Variants in INF2 observed in about 807,000 individuals in gnomAD.
The protein encoded by INF2 is inverted formin-2.
In INF2, 43 loss-of-function variants were observed where a neutral mutation model predicts 123.5. The observed-to-expected ratio is 0.35, with a 90% CI of 0.27 to 0.45. The LOEUF is 0.45. Ranked by LOEUF, INF2 falls within the 20% of genes least tolerant of loss-of-function variation. The pLI is 1.00. For missense variants in INF2, 1,453 were observed against 1,682.7 expected (o/e 0.86, Z 2.39); for synonymous variants, 851 against 745.0 (o/e 1.14, Z -2.32).
chr14:104,694,428 G>T (rs1215809369), intron 1 of INF2, among the ~76,000 whole-genome samples: 1 of 152,248 alleles, frequency 6.6e-6, no homozygotes, highest in Non-Finnish European at 1.5e-5. Flanking sequence ...GCTGAGCAGG[G>T]GCTGGGAAGA....
At chr14:104,715,453 G>T in intron 22 of INF2, 113 bp downstream of exon 22, 1 of 1,015,654 alleles carries the variant, frequency 9.8e-7, no homozygotes, top group Non-Finnish European at 1.6e-6. Flanking sequence ...TCCAGCCCGC[G>T]TGGTGCGTCA....
At chr14:104,688,044 G>T (rs771760382), upstream of INF2, among the ~76,000 whole-genome samples, 2 of 152,274 alleles carry the variant, frequency 1.3e-5, no homozygotes, top group Non-Finnish European at 2.9e-5. Flanking sequence ...CCCAGCTTGA[G>T]GGAGGGCAGG....
chr14:104,688,712 C>G (rs1021430929), upstream of INF2, among the ~76,000 whole-genome samples: 1 of 152,236 alleles, frequency 6.6e-6, no homozygotes, highest in Non-Finnish European at 1.5e-5. Flanking sequence ...GGGGGCTCCC[C>G]CAGGCCTGCC....
chr14:104,704,058 C>A, intron 5 of INF2, 109 bp downstream of exon 5: 1 of 1,572,674 alleles, frequency 6.4e-7, no homozygotes, highest in Non-Finnish European at 8.6e-7. Context: ...CTCCAGATGG[C>A]AGGGAGGTGG....
rs2140669798 is a variant in INF2, at chr14:104,707,870, G to C, written c.1603G>C (p.Glu535Gln). ...CAGCCCCCCCGTGGCGGGAGGCATG[G>C]AGGAGGTCATCGTGGCCCAGGTGGA... is the stretch of plus-strand genomic sequence containing the variant. ...TCSPPVAGGM[E>Q]EVIVAQVDHG... The change falls in exon 8 of 23, where the codon GAG becomes CAG. Residue 535 changes from glutamate (E) to glutamine (Q), a missense_variant. By Grantham distance (29) the Glu-to-Gln change is conservative (BLOSUM62 2). Transcript: ENST00000392634. 1 of 1,606,626 alleles carries C rather than the reference G, an allele frequency of 6.2e-7. No homozygotes were observed. Among genetic ancestry groups the C allele is most frequent in the African/African-American group, 1.3e-5 (1 of 74,832 alleles).
At chr14:104,701,974 C>G (rs1419712542) in intron 2 of INF2, among the ~76,000 whole-genome samples, 1 of 152,202 alleles carries the variant, frequency 6.6e-6, no homozygotes, top group Non-Finnish European at 1.5e-5. Context: ...AGTCCCCGCA[C>G]TGCTGCACCA....
upstream of INF2, among the ~76,000 whole-genome samples, chr14:104,688,564 C>T (rs1888760495): frequency 6.6e-6 from 1 of 152,196 alleles, no homozygotes; most frequent in African/African-American, 2.4e-5. Context: ...CCTCATACAG[C>T]CCTTACGGGT....
Position 104,707,689 on chromosome 14 carries a change from T to A in INF2, c.1422T>A (p.Pro474=). ...PGLGAMAPPA[P]PLPPPLPGSC... Reference sequence around the variant, plus strand: ...TGGGGGCCATGGCCCCCCCAGCACCTCCTCTACCACCACCCCTGCCAGGCT... The same window carrying A: ...TGGGGGCCATGGCCCCCCCAGCACCACCTCTACCACCACCCCTGCCAGGCT... The change falls in exon 8 of 23, where the codon CCT becomes CCA. Residue 474 remains proline, a synonymous_variant. Coordinates refer to ENST00000392634, the MANE Select transcript of INF2 (RefSeq NM_022489.4). The A allele has an allele frequency of 2.3e-6, 1 of 430,936 alleles. No homozygotes were observed. Among genetic ancestry groups the A allele is most frequent in the Non-Finnish European group, 3.4e-6 (1 of 291,886 alleles). The allele number at this position is 430,936 out of a possible 1,614,324, so 26.7% of individuals were successfully genotyped here. A position where few individuals can be genotyped will look rare whatever the true frequency, so the allele number is the denominator to read the frequency against.
At position 104,710,212 on chromosome 14, in the gene INF2, G is replaced by A. The variant is rs1001934010; in HGVS notation, c.2239+24G>A. The A allele has an allele frequency of 4.5e-5, 68 of 1,506,582 alleles. No homozygotes were observed. In the African/African-American group the frequency reaches 5.4e-4, roughly 12 times the overall value. The allele number at this position is 1,506,582 out of a possible 1,614,324, so 93.3% of individuals were successfully genotyped here. On this transcript the variant is annotated intron_variant, in intron 13 of 22. Transcript: ENST00000392634. ...AAGTGAGTGGGGCCAAGCGGGGCAC[G>A]TGTGCAGGAGGGACAGGCCTCCGAA...
chr14:104,707,841 C>T lies in INF2; in HGVS notation c.1574C>T (p.Thr525Ile). ...PPPPPPLLPCTCSPPVAGGME... is the reference protein window; with the variant it reads ...PPPPPPLLPCICSPPVAGGME... The stretch of plus-strand genomic sequence containing the variant: ...CCCCCACCTCCACTACTGCCCTGCA[C>T]CTGCAGCCCCCCCGTGGCGGGAGGC... Residue 525 changes from threonine to isoleucine, a missense_variant, in exon 8 of 23, where the codon ACC becomes ATC. Coordinates refer to ENST00000392634, the MANE Select transcript of INF2 (RefSeq NM_022489.4). 1.9e-6 allele frequency: 3 copies of T among 1,602,994 alleles called. No individual in the cohort carries two copies. Among genetic ancestry groups the T allele is most frequent in the Non-Finnish European group, 2.5e-6 (3 of 1,177,294 alleles).
At position 104,705,934 on chromosome 14, in the gene INF2, G is replaced by A. The variant is rs900270660; in HGVS notation, c.702-101G>A. 7 of 1,434,782 alleles carry A rather than the reference G, an allele frequency of 4.9e-6. No homozygotes were observed. In the South Asian group the frequency reaches 7.7e-5, roughly 16 times the overall value. The allele number at this position is 1,434,782 out of a possible 1,614,324, so 88.9% of individuals were successfully genotyped here. ...TATGGCCTGGCTCAGAGTCCCAGGT[G>A]GGCTGAGCGGGGCTGGTACACTGGC... On this transcript the variant is annotated intron_variant, in intron 5 of 22. Transcript: ENST00000392634.
At chr14:104,712,168 G>C (rs1158813951) in intron 16 of INF2, among the ~76,000 whole-genome samples, 1 of 152,168 alleles carries the variant, frequency 6.6e-6, no homozygotes, top group African/African-American at 2.4e-5. Context: ...TGCCCTGGAA[G>C]GTTCTCTGGC....
Position 104,711,116 on chromosome 14 carries a change from G to C in INF2, c.2348G>C (p.Ser783Thr). 6.3e-7 allele frequency: 1 copy of C among 1,585,328 alleles called. No individual in the cohort carries two copies. The highest frequency in any genetic ancestry group is 8.6e-7 in the Non-Finnish European group (1 of 1,167,206). ...HTGDADGFKI[S>T]TLLKLTETKS... ...GGTGACGCCGACGGCTTCAAGATCA[G>C]CACATTGCTGAAGCTCACGGAGACC... Residue 783 changes from serine (S) to threonine (T), a missense_variant, in exon 15 of 23, where the codon AGC becomes ACC. This residue lies in a region of INF2 where 31 missense variants were observed against 86.0 expected (regional missense o/e 0.36). Transcript: ENST00000392634.
intron 1 of INF2, among the ~76,000 whole-genome samples, chr14:104,694,365 T>C (rs1462649209): frequency 3.3e-5 from 5 of 152,228 alleles, no homozygotes; most frequent in Non-Finnish European, 7.4e-5. Flanking sequence ...GTTTGCCCAG[T>C]TGGGCCTGAC....
chr14:104,711,992 G>A (rs917654102), intron 16 of INF2, among the ~76,000 whole-genome samples: 2 of 152,196 alleles, frequency 1.3e-5, no homozygotes, highest in African/African-American at 2.4e-5. Flanking sequence ...GGACCTTCAC[G>A]ACAGCCGTGA....
upstream of INF2, among the ~76,000 whole-genome samples, chr14:104,688,288 G>C (rs919563799): frequency 1.3e-5 from 2 of 152,258 alleles, no homozygotes; most frequent in Non-Finnish European, 2.9e-5. Flanking sequence ...TGGGGCTGCT[G>C]GGCAGGGCAA....
rs555087041 is a variant in INF2 at position 104,703,932 on chromosome 14, C to T, written c.684C>T (p.Asp228=). 26 of 1,610,838 alleles carry T rather than the reference C, an allele frequency of 1.6e-5. No homozygotes were observed. The highest frequency in any genetic ancestry group is 4.4e-5 in the South Asian group (4 of 91,080). The change falls in exon 5 of 23, where the codon GAC becomes GAT. Residue 228 remains aspartate, a synonymous_variant. Coordinates refer to ENST00000392634, the MANE Select transcript of INF2 (RefSeq NM_022489.4). The part of the protein sequence containing the change: ...RNEFIGLQLL[D]VLARLRDLED... ...CCTTCCCAGGGCTGCAGCTGCTGGA[C>T]GTCCTGGCTCGCCTGCGGTGAGTCC...
exon 1 of INF2, chr14:104,681,386 T>C (rs1443668533): frequency 2.2e-6 from 1 of 459,308 alleles, no homozygotes; most frequent in Admixed American, 2.4e-5. Flanking sequence ...GGCCCTCACC[T>C]TGGGGACCTT....
chr14:104,717,295 T>TCCC (rs35581629), intron 22 of INF2, among the ~76,000 whole-genome samples: 2 of 92,154 alleles, frequency 2.2e-5, no homozygotes, highest in South Asian at 7.3e-4. Flanking sequence ...GTCCTCCCAG[T>TCCC]CCCCCCCCCG....
Sources: allele counts gnomAD v4.1 joint callset (sites outside exome capture counted in the v4.1 genomes callset), GRCh38; gene constraint gnomAD v4.1.1; regional missense constraint gnomAD v4.1.1; transcripts MANE v1.5; gene names NCBI Gene and HGNC (gene_info 2026-07-23, HGNC 2026-07-21).